ASGR2: variants seen among roughly 807,000 people sequenced by gnomAD.
ASGR2 encodes the protein asialoglycoprotein receptor 2.
In ASGR2, 34 loss-of-function variants were observed where a neutral mutation model predicts 32.3. That is an observed-to-expected ratio of 1.05 (90% CI 0.80 to 1.40). ASGR2 has a LOEUF of 1.40. Ranked by LOEUF, ASGR2 falls within the 40% of genes most tolerant of loss-of-function variation. ASGR2 has a pLI of 0.00. For missense variants in ASGR2, 385 were observed against 386.4 expected, an observed-to-expected ratio of 1.00 and a Z score of 0.03; for synonymous variants, 143 against 150.0, an observed-to-expected ratio of 0.95 and a Z score of 0.34.
chr17:7,114,562 G>T lies in ASGR2; in HGVS notation c.-71+53C>A. Reference sequence around the variant, plus strand: ...GGGTCCTCCCCATCCCTGAACCAAGGCCTCCTTGTTCCCAAGCATCCTCGT... The same window carrying T: ...GGGTCCTCCCCATCCCTGAACCAAGTCCTCCTTGTTCCCAAGCATCCTCGT... On this transcript the variant is annotated intron_variant, in intron 1 of 8. Coordinates refer to ENST00000691900, the MANE Select transcript of ASGR2 (RefSeq NM_001201352.2). The surrounding 1 kb of genome is among the most constrained non-coding windows in gnomAD (Gnocchi z 4.5). 8.9e-7 allele frequency: 1 copy of T among 1,119,646 alleles called. No individual in the cohort carries two copies. The highest frequency in any genetic ancestry group is 1.1e-6 in the Non-Finnish European group (1 of 912,968). The allele number at this position is 1,119,646 out of a possible 1,614,324, so 69.4% of individuals were successfully genotyped here.
In ASGR2 at chr17:7,114,283, T is replaced by G. The variant is rs751323562; in HGVS notation, c.-43A>C. ...AGCTGGAGCTGGAGCTGGGCTGGGCTGGGCTGAGGTTGCTCTGAGGGCTGG... is the reference window on the plus strand; with the variant it reads ...AGCTGGAGCTGGAGCTGGGCTGGGCGGGGCTGAGGTTGCTCTGAGGGCTGG... On this transcript the variant is annotated 5_prime_UTR_variant, in exon 2 of 9. Coordinates refer to ENST00000691900, the MANE Select transcript of ASGR2 (RefSeq NM_001201352.2). The surrounding 1 kb of genome is among the most constrained non-coding windows in gnomAD (Gnocchi z 4.5). The G allele has an allele frequency of 2.0e-6, 3 of 1,510,784 alleles. No individual in the cohort carries two copies. Among genetic ancestry groups the G allele is most frequent in the South Asian group, 1.1e-5 (1 of 89,630 alleles). The allele number at this position is 1,510,784 out of a possible 1,614,324, so 93.6% of individuals were successfully genotyped here. A position where few individuals can be genotyped will look rare whatever the true frequency, so the allele number is the denominator to read the frequency against.
At position 7,107,100 on chromosome 17, in the gene ASGR2, C is replaced by T; in HGVS notation, c.548G>A (p.Cys183Tyr). 1 of 1,614,166 alleles carries T rather than the reference C, an allele frequency of 6.2e-7. No individual in the cohort carries two copies. The highest frequency in any genetic ancestry group is 2.2e-5 in the East Asian group (1 of 44,868). Residue 183 changes from cysteine to tyrosine, a missense_variant, in exon 7 of 9, where the codon TGC becomes TAC. Coordinates refer to ENST00000691900, the MANE Select transcript of ASGR2 (RefSeq NM_001201352.2). This position sits in a 1 kb window ranked among gnomAD's most constrained non-coding sequence, Gnocchi z 5.0. ...PVNWVEHQGS[C>Y]YWFSHSGKAW... ...CTTCCCGGAGTGAGAGAACCAGTAG[C>T]AGCTGCCTTGGTGCTCCACCCAGTT...
chr17:7,108,986 G>C lies in ASGR2; in HGVS notation c.125-98C>G, dbSNP rs1488151062. The C allele has an allele frequency of 1.4e-5, 18 of 1,251,532 alleles. No individual in the cohort carries two copies. In the East Asian group the frequency reaches 3.8e-4, roughly 26 times the overall value. The allele number at this position is 1,251,532 out of a possible 1,614,324, so 77.5% of individuals were successfully genotyped here. A position where few individuals can be genotyped will look rare whatever the true frequency, so the allele number is the denominator to read the frequency against. ...CCTGAGGAGGCATAACCTGGGCGGG[G>C]GGATTGGTTGGGGCCATGGGGGGGG... On this transcript the variant is annotated intron_variant, in intron 2 of 8. Coordinates refer to ENST00000691900, the MANE Select transcript of ASGR2 (RefSeq NM_001201352.2). The surrounding 1 kb of genome is among the most constrained non-coding windows in gnomAD (Gnocchi z 4.9).
In ASGR2 at chr17:7,114,539, G is replaced by A. The variant is rs998999984; in HGVS notation, c.-71+76C>T. On this transcript the variant is annotated intron_variant, in intron 1 of 8. Transcript: ENST00000691900. This position sits in a 1 kb window ranked among gnomAD's most constrained non-coding sequence, Gnocchi z 4.5. ...CCGACCACCCACAGCTTCCCATGGG[G>A]TCCTCCCCATCCCTGAACCAAGGCC... 2.4e-4 allele frequency: 283 copies of A among 1,195,826 alleles called. No individual in the cohort carries two copies. Among genetic ancestry groups the A allele is most frequent in the Non-Finnish European group, 2.9e-4 (278 of 957,328 alleles). 74.1% of individuals were successfully genotyped at this position (1,195,826 alleles called of 1,614,324 possible).
In ASGR2 at chr17:7,108,032, AC is replaced by A; in HGVS notation, c.338-126del. On this transcript the variant is annotated intron_variant, in intron 4 of 8. Coordinates refer to ENST00000691900, the MANE Select transcript of ASGR2 (RefSeq NM_001201352.2). The surrounding 1 kb of genome is among the most constrained non-coding windows in gnomAD (Gnocchi z 4.9). The stretch of plus-strand genomic sequence containing the variant: ...TCCACCTCCTGGCTTCCTGGACCAC[AC>A]CCAGGCTCCCTGCACTGCCACAGTG... The A allele has an allele frequency of 1.0e-6, 1 of 991,534 alleles. No individual in the cohort carries two copies. Among genetic ancestry groups the A allele is most frequent in the Non-Finnish European group, 1.5e-6 (1 of 668,178 alleles). The allele number at this position is 991,534 out of a possible 1,614,324, so 61.4% of individuals were successfully genotyped here.
At chr17:7,106,832 A>C (rs777106225) in intron 7 of ASGR2, among the ~76,000 whole-genome samples, 168 bp downstream of exon 7, 1 of 151,222 alleles carries the variant, frequency 6.6e-6, no homozygotes, top group Non-Finnish European at 1.5e-5. Flanking sequence ...TGAACCCAGA[A>C]GGCGGAGCTT....
chr17:7,107,532 C>T lies in ASGR2; in HGVS notation c.410-215G>A. 1 of 641,196 alleles carries T rather than the reference C, an allele frequency of 1.6e-6. No individual in the cohort carries two copies. Among genetic ancestry groups the T allele is most frequent in the South Asian group, 1.8e-5 (1 of 54,372 alleles). 39.7% of individuals were successfully genotyped at this position (641,196 alleles called of 1,614,324 possible). A position where few individuals can be genotyped will look rare whatever the true frequency, so the allele number is the denominator to read the frequency against. On this transcript the variant is annotated intron_variant, in intron 5 of 8. Transcript: ENST00000691900. The surrounding 1 kb of genome is among the most constrained non-coding windows in gnomAD (Gnocchi z 5.0). ...ACACACACAAACACACCAAGAGACA[C>T]ACCACACACATCACATGCGTACACA...
Position 7,108,332 on chromosome 17 carries a change from C to T in ASGR2, c.337+130G>A. 2 of 944,922 alleles carry T rather than the reference C, an allele frequency of 2.1e-6. No homozygotes were observed. The highest frequency in any genetic ancestry group is 1.6e-5 in the African/African-American group (1 of 60,656). The allele number at this position is 944,922 out of a possible 1,614,324, so 58.5% of individuals were successfully genotyped here. ...CCCCACCTGCCTCCCTCCTATACAT[C>T]CCCCAGGGCCCCTGGACGCCTTGCC... On this transcript the variant is annotated intron_variant, in intron 4 of 8. Coordinates refer to ENST00000691900, the MANE Select transcript of ASGR2 (RefSeq NM_001201352.2). The surrounding 1 kb of genome is among the most constrained non-coding windows in gnomAD (Gnocchi z 4.9).
chr17:7,107,985 C>G lies in ASGR2; in HGVS notation c.338-78G>C. 1.3e-6 allele frequency: 2 copies of G among 1,554,612 alleles called. No individual in the cohort carries two copies. Among genetic ancestry groups the G allele is most frequent in the Non-Finnish European group, 1.8e-6 (2 of 1,141,980 alleles). Reference sequence around the variant, plus strand: ...CTGCTGGGGGACCGGGGGCCAGCGCCTCGTCCTGGGCGATGCAGGCGTCCA... The same window carrying G: ...CTGCTGGGGGACCGGGGGCCAGCGCGTCGTCCTGGGCGATGCAGGCGTCCA... On this transcript the variant is annotated intron_variant, in intron 4 of 8. Coordinates refer to ENST00000691900, the MANE Select transcript of ASGR2 (RefSeq NM_001201352.2). This position sits in a 1 kb window ranked among gnomAD's most constrained non-coding sequence, Gnocchi z 5.0.
Position 7,108,507 on chromosome 17 carries a change from A to G in ASGR2, c.292T>C (p.Phe98Leu), listed in dbSNP as rs779193965. ...LRSLKEAFSN[F>L]SSSTLTEVQA... ...ACCTCCGTCAGGGTGCTCGAGGAGA[A>G]GTTGCTGAAAGCTTCCTTCAGGCTC... is the stretch of plus-strand genomic sequence containing the variant. Residue 98 changes from phenylalanine (F) to leucine (L), a missense_variant, in exon 4 of 9, where the codon TTC (phenylalanine) becomes CTC (leucine). By Grantham distance (22) the Phe-to-Leu change is conservative (BLOSUM62 0). Transcript: ENST00000691900. This position sits in a 1 kb window ranked among gnomAD's most constrained non-coding sequence, Gnocchi z 4.9. The G allele has an allele frequency of 1.9e-5, 31 of 1,610,022 alleles. No individual in the cohort carries two copies. Among genetic ancestry groups the G allele is most frequent in the Non-Finnish European group, 2.5e-5 (30 of 1,178,440 alleles).
In ASGR2 at chr17:7,102,086, T is replaced by G; in HGVS notation, c.755+4A>C. The G allele has an allele frequency of 6.2e-7, 1 of 1,612,106 alleles. No individual in the cohort carries two copies. Among genetic ancestry groups the G allele is most frequent in the East Asian group, 2.2e-5 (1 of 44,870 alleles). On this transcript the variant is annotated splice_donor_region_variant and intron_variant, in intron 8 of 8. Coordinates refer to ENST00000691900, the MANE Select transcript of ASGR2 (RefSeq NM_001201352.2). ...ACAAGGAGATGAGGGAAGAGGCCAC[T>G]TACTTGTAGTTGTGCCTATAGTCTG... is the stretch of plus-strand genomic sequence containing the variant.
At position 7,107,586 on chromosome 17, in the gene ASGR2, C is replaced by T; in HGVS notation, c.409+250G>A. On this transcript the variant is annotated intron_variant, in intron 5 of 8. Transcript: ENST00000691900. This position sits in a 1 kb window ranked among gnomAD's most constrained non-coding sequence, Gnocchi z 5.0. Reference sequence around the variant, plus strand: ...ATATACCATACCGCACACACACAGACTCATCTCACACACACCACCACACAT... The same window carrying T: ...ATATACCATACCGCACACACACAGATTCATCTCACACACACCACCACACAT... 3.1e-6 allele frequency: 2 copies of T among 641,100 alleles called. No homozygotes were observed. Among genetic ancestry groups the T allele is most frequent in the South Asian group, 3.6e-5 (2 of 54,988 alleles). 39.7% of individuals were successfully genotyped at this position (641,100 alleles called of 1,614,324 possible).
intron 2 of ASGR2, among the ~76,000 whole-genome samples, chr17:7,111,667 AAAAGAAAAG>A (rs1175344137): frequency 9.9e-5 from 15 of 150,822 alleles, no homozygotes; most frequent in Non-Finnish European, 1.9e-4. Flanking sequence ...AAAAAAAAAA[AAAAGAAAAG>A]AAAGAAAAGA....
In ASGR2 at chr17:7,105,458, G is replaced by A. The variant is rs779034920; in HGVS notation, c.648+1542C>T. Reference sequence around the variant, plus strand: ...TTTGGGAGGCCCAGGCGGGCGAATCGCTTGAGGCCAGGGGTTCAAGACCAG... The same window carrying A: ...TTTGGGAGGCCCAGGCGGGCGAATCACTTGAGGCCAGGGGTTCAAGACCAG... On this transcript the variant is annotated intron_variant, in intron 7 of 8. Transcript: ENST00000691900. Among the ~76,000 whole-genome samples the A allele has an allele frequency of 5.1e-4, 78 of 152,178 alleles. 1 individual carries two copies. Among genetic ancestry groups the A allele is most frequent in the Non-Finnish European group, 9.4e-4 (64 of 68,008 alleles).
chr17:7,106,386 T>G (rs530788275), intron 7 of ASGR2, among the ~76,000 whole-genome samples: 14 of 152,338 alleles, frequency 9.2e-5, no homozygotes, highest in South Asian at 2.1e-4. Context: ...GAGCTTATTG[T>G]GTGCCAAATC....
In ASGR2 at chr17:7,107,197, G is replaced by A. The variant is rs1389067619; in HGVS notation, c.496+34C>T. ...GAGATGAGATCCAGCCGGAGGGGCA[G>A]GCACACTGGGCCTGGAGACGGCCCC... On this transcript the variant is annotated intron_variant, in intron 6 of 8. Transcript: ENST00000691900. This position sits in a 1 kb window ranked among gnomAD's most constrained non-coding sequence, Gnocchi z 5.0. 6.2e-7 allele frequency: 1 copy of A among 1,614,196 alleles called. No homozygotes were observed. The highest frequency in any genetic ancestry group is 1.3e-5 in the African/African-American group (1 of 75,060).
rs1046706093 is a variant in ASGR2 at position 7,102,328 on chromosome 17, A to G, written c.649-132T>C. 3 of 734,900 alleles carry G rather than the reference A, an allele frequency of 4.1e-6. No individual in the cohort carries two copies. The Admixed American group carries it at 6.1e-5, about 15-fold the overall frequency. The allele number at this position is 734,900 out of a possible 1,614,324, so 45.5% of individuals were successfully genotyped here. A position where few individuals can be genotyped will look rare whatever the true frequency, so the allele number is the denominator to read the frequency against. Reference sequence around the variant, plus strand: ...CCTCAGGCTGAAGCACCAGCTCCCGACAAGACTGCTTCCTAGCTTTTTCTT... The same window carrying G: ...CCTCAGGCTGAAGCACCAGCTCCCGGCAAGACTGCTTCCTAGCTTTTTCTT... On this transcript the variant is annotated intron_variant, in intron 7 of 8. Transcript: ENST00000691900.
In ASGR2 at chr17:7,101,646, C is replaced by T. The variant is rs747959273; in HGVS notation, c.850G>A (p.Asp284Asn). 11 of 1,614,112 alleles carry T rather than the reference C, an allele frequency of 6.8e-6. No homozygotes were observed. In the Admixed American group the frequency reaches 1.3e-4, roughly 20 times the overall value. The change falls in exon 9 of 9, where the codon GAT (aspartate) becomes AAT (asparagine). Residue 284 changes from aspartate (D) to asparagine (N), a missense_variant. By Grantham distance (23) the Asp-to-Asn change is conservative. Coordinates refer to ENST00000691900, the MANE Select transcript of ASGR2 (RefSeq NM_001201352.2). ...CGGTACACCTGCAGGCAGAAGTCAT[C>T]GTTCCAGCGGCCATCCGGCTGGACT... Reference protein sequence around the residue: ...VEVQPDGRWNDDFCLQVYRWV... With the variant: ...VEVQPDGRWNNDFCLQVYRWV...
In ASGR2 at chr17:7,108,895, G is replaced by A. The variant is rs1195026419; in HGVS notation, c.125-7C>T. 1 of 1,568,060 alleles carries A rather than the reference G, an allele frequency of 6.4e-7. No individual in the cohort carries two copies. Among genetic ancestry groups the A allele is most frequent in the Non-Finnish European group, 8.6e-7 (1 of 1,157,050 alleles). On this transcript the variant is annotated splice_region_variant and splice_polypyrimidine_tract_variant and intron_variant, in intron 2 of 8. Transcript: ENST00000691900. This position sits in a 1 kb window ranked among gnomAD's most constrained non-coding sequence, Gnocchi z 4.9. ...GGCTGGGCAGGAGGTGGCCCTGTGGGAGAGGGGCATCAGGAGCCGGCAGCC... is the reference window on the plus strand; with the variant it reads ...GGCTGGGCAGGAGGTGGCCCTGTGGAAGAGGGGCATCAGGAGCCGGCAGCC...
Sources: allele counts gnomAD v4.1 joint callset (sites outside exome capture counted in the v4.1 genomes callset), GRCh38; gene constraint gnomAD v4.1.1; non-coding constraint Gnocchi (gnomAD v3.1); transcripts MANE v1.5; gene names NCBI Gene and HGNC (gene_info 2026-07-23, HGNC 2026-07-21).